The following MRLN variants were observed in gnomAD, a reference collection of about 807,000 sequenced individuals.
The protein encoded by MRLN is Linc-RNA activator of myogenesis.
In MRLN at chr10:59,741,483, A is replaced by G. The variant is rs1012117866; in HGVS notation, c.-124-2921T>C. Among the ~76,000 whole-genome samples the G allele has an allele frequency of 2.4e-4, 37 of 152,110 alleles. 2 individuals carry two copies. Among genetic ancestry groups the G allele is most frequent in the Non-Finnish European group, 1.5e-5 (1 of 68,016 alleles). On this transcript the variant is annotated intron_variant, in intron 1 of 2. Transcript: ENST00000414264. The stretch of plus-strand genomic sequence containing the variant: ...CTACAGGCTCGACCTCCCAGGCTCA[A>G]GCGATGCTCCCACCTCAGCCTCCTG...
chr10:59,746,809 G>GT (rs982786323), intron 1 of MRLN, among the ~76,000 whole-genome samples: 17 of 152,166 alleles, frequency 1.1e-4, no homozygotes, highest in African/African-American at 3.9e-4. Flanking sequence ...TGAAAGTACA[G>GT]TTTTTTTGTT....
At chr10:59,739,466 T>A (rs997089417) in intron 1 of MRLN, 1 of 152,170 alleles carries the variant, frequency 6.6e-6, no homozygotes, top group Non-Finnish European at 1.5e-5. Context: ...TAATACAATA[T>A]AAGTGCTATG....
At chr10:59,749,969 C>T (rs972004590) in intron 1 of MRLN, among the ~76,000 whole-genome samples, 3 of 151,994 alleles carry the variant, frequency 2.0e-5, no homozygotes, top group Admixed American at 6.6e-5. Context: ...ATCACCCACC[C>T]GCCCCAGGTC....
intron 1 of MRLN, among the ~76,000 whole-genome samples, chr10:59,752,752 A>T (rs1245017711): frequency 6.6e-6 from 1 of 152,196 alleles, no homozygotes; most frequent in Admixed American, 6.5e-5. Flanking sequence ...AAACATAGTG[A>T]CCTACTTTGA....
intron 1 of MRLN, among the ~76,000 whole-genome samples, chr10:59,747,830 A>G (rs1226682184): frequency 1.3e-5 from 2 of 152,246 alleles, no homozygotes; most frequent in Admixed American, 6.5e-5. Context: ...TACTGACTTG[A>G]CTATACTTAA....
intron 1 of MRLN, among the ~76,000 whole-genome samples, chr10:59,740,771 C>G (rs1226277619): frequency 8.0e-6 from 1 of 125,424 alleles, no homozygotes; most frequent in Non-Finnish European, 1.6e-5. Flanking sequence ...TTTTCTTTTT[C>G]TTTGTTTTCT....
chr10:59,740,788 CTT>C, intron 1 of MRLN, among the ~76,000 whole-genome samples: 1 of 149,746 alleles, frequency 6.7e-6, no homozygotes, highest in Non-Finnish European at 1.5e-5. Flanking sequence ...TTCTTTCTTT[CTT>C]TCTTTCTTTC....
At chr10:59,742,476 A>G (rs1840993730) in intron 1 of MRLN, among the ~76,000 whole-genome samples, 1 of 152,174 alleles carries the variant, frequency 6.6e-6, no homozygotes, top group Non-Finnish European at 1.5e-5. Context: ...TCAAGAAAAG[A>G]AAGAGATTTG....
At chr10:59,742,523 T>C (rs1034834942) in intron 1 of MRLN, among the ~76,000 whole-genome samples, 1 of 151,884 alleles carries the variant, frequency 6.6e-6, no homozygotes, top group Non-Finnish European at 1.5e-5. Context: ...CTTTAGGGAG[T>C]ATAGGGGAAG....
At chr10:59,745,447 T>A (rs1841033771) in intron 1 of MRLN, among the ~76,000 whole-genome samples, 1 of 150,564 alleles carries the variant, frequency 6.6e-6, no homozygotes, top group African/African-American at 2.5e-5. Context: ...TGGGTCAGAT[T>A]TTTTTTATGT....
At chr10:59,739,142 A>AAAAGC (rs1249467140) in intron 1 of MRLN, 1 of 152,110 alleles carries the variant, frequency 6.6e-6, no homozygotes, top group East Asian at 1.9e-4. Context: ...AAAAGAAAAG[A>AAAAGC]AAAGAAATAA....
intron 1 of MRLN, chr10:59,744,954 C>G (rs566702412): frequency 5.5e-6 from 1 of 182,198 alleles, no homozygotes; most frequent in African/African-American, 2.4e-5. Flanking sequence ...CTCAAATACC[C>G]AGGGACACAA....
chr10:59,742,774 C>T (rs1313973541), intron 1 of MRLN, among the ~76,000 whole-genome samples: 3 of 151,472 alleles, frequency 2.0e-5, no homozygotes, highest in Non-Finnish European at 4.4e-5. Context: ...TGTATCCTAG[C>T]TTGGAGTGTA....
In MRLN at chr10:59,750,355, G is replaced by A. The variant is rs530354200; in HGVS notation, c.-125+2999C>T. ...CAAAATGCTGGGATTACAGGCATGA[G>A]CCATCACGCCCAGCCCACTTGCTTT... On this transcript the variant is annotated intron_variant, in intron 1 of 2. Transcript: ENST00000414264. 2.6e-5 allele frequency among the ~76,000 whole-genome samples: 4 copies of A among 152,254 alleles called. No homozygotes were observed. In the East Asian group the frequency reaches 7.7e-4, roughly 29 times the overall value.
intron 1 of MRLN, among the ~76,000 whole-genome samples, chr10:59,743,078 A>G (rs1461444901): frequency 6.6e-6 from 1 of 152,124 alleles, no homozygotes; most frequent in African/African-American, 2.4e-5. Context: ...TAAAATACTA[A>G]ACAAAATAAA....
chr10:59,746,424 C>T (rs535800807), intron 1 of MRLN, among the ~76,000 whole-genome samples: 16 of 152,308 alleles, frequency 1.1e-4, no homozygotes, highest in Non-Finnish European at 1.9e-4. Flanking sequence ...AGTTTAGAAA[C>T]TAATCCAGTA....
At chr10:59,744,578 C>G (rs1203385574) in intron 1 of MRLN, among the ~76,000 whole-genome samples, 4 of 152,176 alleles carry the variant, frequency 2.6e-5, no homozygotes, top group Non-Finnish European at 5.9e-5. Flanking sequence ...TGAGGAGCCC[C>G]TCTGCCCAGC....
intron 1 of MRLN, among the ~76,000 whole-genome samples, chr10:59,741,889 G>C (rs1364182757): frequency 6.6e-6 from 1 of 152,092 alleles, no homozygotes; most frequent in Non-Finnish European, 1.5e-5. Flanking sequence ...TGTTGCCCAG[G>C]CTAGTCTCAA....
chr10:59,749,122 G>A (rs1440702066), intron 1 of MRLN, among the ~76,000 whole-genome samples: 2 of 152,218 alleles, frequency 1.3e-5, no homozygotes, highest in Non-Finnish European at 2.9e-5. Context: ...CTGGAGAACA[G>A]AGAGAGTAAT....
Sources: gnomAD v4.1 joint callset for allele counts (sites outside exome capture counted in the v4.1 genomes callset) on GRCh38, gnomAD v4.1.1 for gene constraint, MANE v1.5 for transcripts, NCBI Gene and HGNC (gene_info 2026-07-23, HGNC 2026-07-21) for gene names.